The following NEO1 variants were observed in gnomAD, a reference collection of about 807,000 sequenced individuals.
NEO1 encodes the protein neogenin 1.
Under a neutral mutation model 159.7 loss-of-function variants are expected in NEO1, and 63 were observed. The observed-to-expected ratio is 0.39, with a 90% confidence interval of 0.32 to 0.49. The LOEUF (loss-of-function observed/expected upper bound fraction) is 0.49, where lower values mean the gene tolerates loss of function less well. NEO1 is among the 20% of genes least tolerant of loss of function. The pLI is 0.85. For synonymous variants in NEO1, 633 were observed against 662.0 expected, an observed-to-expected ratio of 0.96 and a Z score of 0.67; for missense variants, 1,615 against 1,831.0, an observed-to-expected ratio of 0.88 and a Z score of 2.15.
At chr15:73,186,087 G>C (rs1247549667) in intron 7 of NEO1, among the ~76,000 whole-genome samples, 1 of 151,182 alleles carries the variant, frequency 6.6e-6, no homozygotes, top group African/African-American at 2.4e-5. Context: ...AAAATATCTT[G>C]AAGGCAATTG....
Position 73,279,351 on chromosome 15 carries a change from G to GTTTTTTTTT in NEO1, c.3262+1159_3262+1167dup, listed in dbSNP as rs869029902. Among the ~76,000 whole-genome samples, 329 of 119,298 alleles carry GTTTTTTTTT rather than the reference G, an allele frequency of 2.8e-3. 19 individuals carry two copies. The highest frequency in any genetic ancestry group is 6.0e-3 in the African/African-American group (201 of 33,514). 78.3% of individuals were successfully genotyped at this position (119,298 alleles called of 152,430 possible). On this transcript the variant is annotated intron_variant, in intron 22 of 28. Transcript: ENST00000261908. ...ATGTTTTTTTGTTGTTTTGGTTTTG[G>GTTTTTTTTT]TTTTTTTTTTTTTTTGAGATGGAAT...
Position 73,266,359 on chromosome 15 carries a change from C to T in NEO1, c.2442C>T (p.Asn814=), listed in dbSNP as rs375828942. ...HYVITLKAFN[N]VGEGIPLYES... ...TGATTACCCTGAAAGCATTTAATAA[C>T]GTGGGTGAAGGCATCCCCCTGTATG... Residue 814 remains asparagine (N), a synonymous_variant, in exon 16 of 29, where the codon AAC becomes AAT. Transcript: ENST00000261908. 35 of 1,613,482 alleles carry T rather than the reference C, an allele frequency of 2.2e-5. No individual in the cohort carries two copies. The highest frequency in any genetic ancestry group is 2.7e-5 in the African/African-American group (2 of 74,844).
At chr15:73,214,980 G>T (rs1116880) in intron 7 of NEO1, among the ~76,000 whole-genome samples, 1 of 151,934 alleles carries the variant, frequency 6.6e-6, no homozygotes, top group Admixed American at 6.6e-5. Context: ...AGTTTTCCTT[G>T]TAGAGGTCTT....
At chr15:73,191,254 A>G (rs1272714676) in intron 7 of NEO1, among the ~76,000 whole-genome samples, 2 of 152,140 alleles carry the variant, frequency 1.3e-5, no homozygotes, top group African/African-American at 4.8e-5. Flanking sequence ...ATCTCTGCAC[A>G]GCACACCTTT....
rs75229276 is a variant in NEO1, at chr15:73,272,595, C to T, written c.2965+33C>T. 1.8e-4 allele frequency: 253 copies of T among 1,415,906 alleles called. No individual in the cohort carries two copies. In the African/African-American group the frequency reaches 2.3e-3, roughly 13 times the overall value. 87.7% of individuals were successfully genotyped at this position (1,415,906 alleles called of 1,614,324 possible). A position where few individuals can be genotyped will look rare whatever the true frequency, so the allele number is the denominator to read the frequency against. The stretch of plus-strand genomic sequence containing the variant: ...GCAATCAAGTGTGCATTTCTTTGTG[C>T]GCTCTTCCTGCCTGACAGGAGTATT... On this transcript the variant is annotated intron_variant, in intron 19 of 28. Transcript: ENST00000261908.
At chr15:73,253,234 T>C (rs1053214022) in intron 11 of NEO1, among the ~76,000 whole-genome samples, 166 bp from the exon 12 acceptor site, 1 of 152,256 alleles carries the variant, frequency 6.6e-6, no homozygotes. Context: ...CTATATGTCA[T>C]CCACATAGTA....
At chr15:73,129,292 G>A (rs374634893) in intron 4 of NEO1, among the ~76,000 whole-genome samples, 51 of 152,138 alleles carry the variant, frequency 3.4e-4, no homozygotes, top group African/African-American at 9.7e-4. Context: ...TATGAGATAT[G>A]TAGATAGGCC....
At chr15:73,198,201 A>G (rs1052589055) in intron 7 of NEO1, among the ~76,000 whole-genome samples, 4 of 152,100 alleles carry the variant, frequency 2.6e-5, no homozygotes, top group Non-Finnish European at 5.9e-5. Flanking sequence ...AGGATTCATC[A>G]TGATACCTTT....
chr15:73,274,052 G>C, intron 20 of NEO1, 47 bp downstream of exon 20: 1 of 1,546,810 alleles, frequency 6.5e-7, no homozygotes, highest in Non-Finnish European at 8.8e-7. Flanking sequence ...TCTTTAGTGG[G>C]GCTATGCTGA....
intron 1 of NEO1, among the ~76,000 whole-genome samples, chr15:73,063,900 T>G (rs1307354047): frequency 1.3e-5 from 2 of 152,196 alleles, no homozygotes; most frequent in Non-Finnish European, 2.9e-5. Context: ...CGTATTTGCT[T>G]TTTAAGACTT....
At chr15:73,182,502 A>G (rs1000521896) in intron 7 of NEO1, among the ~76,000 whole-genome samples, 2 of 152,106 alleles carry the variant, frequency 1.3e-5, no homozygotes, top group African/African-American at 2.4e-5. Context: ...TCATTTTCAC[A>G]CTGCTGATAA....
intron 1 of NEO1, among the ~76,000 whole-genome samples, chr15:73,089,586 T>G (rs2069562605): frequency 2.0e-5 from 3 of 151,234 alleles, no homozygotes; most frequent in Admixed American, 2.0e-4. Flanking sequence ...AAGTACAAGT[T>G]AAAACAACTT....
rs530377826 is a variant in NEO1, at chr15:73,201,833, A to G, written c.1291+23406A>G. Reference sequence around the variant, plus strand: ...GTAATACCTTCCTTTTTCTCTGATAATCTTCCTTGTTCTGAAGTCTGCTTT... The same window carrying G: ...GTAATACCTTCCTTTTTCTCTGATAGTCTTCCTTGTTCTGAAGTCTGCTTT... On this transcript the variant is annotated intron_variant, in intron 7 of 28. Coordinates refer to ENST00000261908, the MANE Select transcript of NEO1 (RefSeq NM_002499.4). Among the ~76,000 whole-genome samples the G allele has an allele frequency of 2.6e-5, 4 of 152,078 alleles. No homozygotes were observed. In the South Asian group the frequency reaches 8.3e-4, roughly 32 times the overall value.
chr15:73,139,271 C>T (rs577179760), intron 5 of NEO1, among the ~76,000 whole-genome samples: 1 of 152,090 alleles, frequency 6.6e-6, no homozygotes, highest in South Asian at 2.1e-4. Context: ...CAAAGACCAA[C>T]GTTTTTTTGG....
intron 1 of NEO1, among the ~76,000 whole-genome samples, chr15:73,093,060 T>G (rs2069787355): frequency 6.6e-6 from 1 of 152,206 alleles, no homozygotes; most frequent in Admixed American, 6.5e-5. Flanking sequence ...CCTTGATAGT[T>G]TTAAGGAGTA....
intron 7 of NEO1, among the ~76,000 whole-genome samples, chr15:73,220,473 C>T (rs1431501766): frequency 1.3e-5 from 2 of 152,036 alleles, no homozygotes; most frequent in Non-Finnish European, 2.9e-5. Context: ...GAATGTTGGC[C>T]TGCCTTGCTA....
rs543430453 is a variant in NEO1 at position 73,069,252 on chromosome 15, G to T, written c.130+16447G>T. Among the ~76,000 whole-genome samples, 115 of 150,704 alleles carry T rather than the reference G, an allele frequency of 7.6e-4. 1 individual carries two copies. The highest frequency in any genetic ancestry group is 2.7e-3 in the African/African-American group (111 of 41,128). On this transcript the variant is annotated intron_variant, in intron 1 of 28. Transcript: ENST00000261908. ...GCTGGGATTATAGGCATGAGCCACTGCGCACAGCCGAGTAGGGGCATTTTT... is the reference window on the plus strand; with the variant it reads ...GCTGGGATTATAGGCATGAGCCACTTCGCACAGCCGAGTAGGGGCATTTTT...
At chr15:73,266,276 GTAGT>G (rs2040888802) in intron 15 of NEO1, 36 bp from the exon 16 acceptor site, 1 of 1,509,948 alleles carries the variant, frequency 6.6e-7, no homozygotes. Flanking sequence ...TTAAAATTCT[GTAGT>G]GAGCATTTTT....
At chr15:73,162,075 C>G in intron 5 of NEO1, 1 of 227,208 alleles carries the variant, frequency 4.4e-6, no homozygotes, top group South Asian at 7.2e-5. Flanking sequence ...GTGTCTCATA[C>G]AGATTTCTTC....
Sources: gnomAD v4.1 joint callset for allele counts (sites outside exome capture counted in the v4.1 genomes callset) on GRCh38, gnomAD v4.1.1 for gene constraint, MANE v1.5 for transcripts, NCBI Gene and HGNC (gene_info 2026-07-23, HGNC 2026-07-21) for gene names.